The following MGST1 variants were observed in gnomAD, a reference collection of about 807,000 sequenced individuals.
MGST1 encodes microsomal glutathione S-transferase 1.
MGST1 carries 5 observed loss-of-function variants against 8.9 expected under a neutral mutation model. The observed-to-expected ratio is 0.56, with a 90% CI of 0.29 to 1.19. The LOEUF (loss-of-function observed/expected upper bound fraction) is 1.19. MGST1 is among the 50% of genes most tolerant of loss of function. The pLI is 0.08. For synonymous variants in MGST1, 54 were observed against 67.8 expected (o/e 0.80, Z 1.00); for missense variants, 182 against 187.4 (o/e 0.97, Z 0.17).
chr12:16,459,003 C>G (rs1941199762), intron 4 of MGST1, among the ~76,000 whole-genome samples: 2 of 151,992 alleles, frequency 1.3e-5, no homozygotes, highest in Admixed American at 1.3e-4. Flanking sequence ...TGTTAGCAAC[C>G]CTGGCCTACC....
chr12:16,514,546 A>T (rs1422296540), intron 4 of MGST1, among the ~76,000 whole-genome samples: 1 of 152,240 alleles, frequency 6.6e-6, no homozygotes, highest in Non-Finnish European at 1.5e-5. Context: ...AAGCCCGAAC[A>T]GGTGGAAAGG....
At chr12:16,373,242 A>G (rs1023819388) in intron 3 of MGST1, among the ~76,000 whole-genome samples, 2 of 151,652 alleles carry the variant, frequency 1.3e-5, no homozygotes, top group Non-Finnish European at 2.9e-5. Flanking sequence ...GTTACTAGAG[A>G]GGTTGGGAAG....
rs1565451086 is a variant in MGST1, at chr12:16,420,629, GCT to G, written n.779-16756_779-16755del. On this transcript the variant is annotated intron_variant and non_coding_transcript_variant, in intron 1 of 1. Coordinates refer to the MGST1 transcript ENST00000359720. ...AAAGGCTCCTCAGATTCTAAGGAGA[GCT>G]CTGGAACTGGGATGATCCTTCAGAG... 2.0e-5 allele frequency among the ~76,000 whole-genome samples: 3 copies of G among 152,240 alleles called. No individual in the cohort carries two copies. In the East Asian group the frequency reaches 5.8e-4, roughly 30 times the overall value.
At chr12:16,551,010 A>C (rs976100070) in intron 4 of MGST1, 1 of 482,010 alleles carries the variant, frequency 2.1e-6, no homozygotes, top group African/African-American at 1.9e-5. Context: ...CCATATGTAC[A>C]TTACTTTTTT....
At position 16,513,922 on chromosome 12, in the gene MGST1, T is replaced by G. The variant is rs1014792597; in HGVS notation, n.483-75606T>G. On this transcript the variant is annotated intron_variant and non_coding_transcript_variant, in intron 4 of 4. Coordinates refer to the MGST1 transcript ENST00000538857. This position sits in a 1 kb window ranked among gnomAD's most constrained non-coding sequence, Gnocchi z 4.2. ...TGGCATGCAGCTACAAGGTTATCGA[T>G]ACTATGACCGCAAGACTTGCGGTTT... 3.5e-6 allele frequency: 2 copies of G among 570,026 alleles called. No homozygotes were observed. Among genetic ancestry groups the G allele is most frequent in the Non-Finnish European group, 6.8e-6 (2 of 295,710 alleles). The allele number at this position is 570,026 out of a possible 1,614,324, so 35.3% of individuals were successfully genotyped here.
At chr12:16,357,581 T>TG in intron 2 of MGST1, 24 bp from the exon 3 acceptor site, 1 of 1,588,680 alleles carries the variant, frequency 6.3e-7, no homozygotes, top group Non-Finnish European at 8.6e-7. Context: ...TTGAAATAAG[T>TG]TTTTTTTCTT....
At position 16,560,005 on chromosome 12, in the gene MGST1, T is replaced by TA; in HGVS notation, n.483-29517dup. Among the ~76,000 whole-genome samples the TA allele has an allele frequency of 6.6e-6, 1 of 152,034 alleles. No homozygotes were observed. The highest frequency in any genetic ancestry group is 2.1e-4 in the South Asian group (1 of 4,804). On this transcript the variant is annotated intron_variant and non_coding_transcript_variant, in intron 4 of 4. Coordinates refer to the MGST1 transcript ENST00000538857. The surrounding 1 kb of genome is among the most constrained non-coding windows in gnomAD (Gnocchi z 5.0). ...CATGAGGGATAAGGAATTTAAAATA[T>TA]AAAAAATAATAAGAATATAAAATAC...
chr12:16,499,328 A>T (rs570344524), intron 4 of MGST1, among the ~76,000 whole-genome samples: 1 of 152,182 alleles, frequency 6.6e-6, no homozygotes, highest in Non-Finnish European at 1.5e-5. Flanking sequence ...TCTATAAAGA[A>T]TATTTAATTT....
At chr12:16,578,299 G>C (rs567836278) in intron 4 of MGST1, among the ~76,000 whole-genome samples, 1 of 152,220 alleles carries the variant, frequency 6.6e-6, no homozygotes, top group South Asian at 2.1e-4. Context: ...ACTCAAGTTT[G>C]AGAACAATTG....
At chr12:16,558,181 G>A (rs1942262038) in intron 4 of MGST1, among the ~76,000 whole-genome samples, 1 of 152,032 alleles carries the variant, frequency 6.6e-6, no homozygotes, top group Admixed American at 6.6e-5. Flanking sequence ...AAATGTGAGT[G>A]TAATATTTAT....
At chr12:16,484,842 C>T (rs1040283640) in intron 4 of MGST1, among the ~76,000 whole-genome samples, 1 of 152,116 alleles carries the variant, frequency 6.6e-6, no homozygotes, top group Non-Finnish European at 1.5e-5. Flanking sequence ...TATCACTTTC[C>T]AGTGATGTTG....
At chr12:16,524,560 GT>G (rs1328399369) in intron 4 of MGST1, among the ~76,000 whole-genome samples, 2 of 152,046 alleles carry the variant, frequency 1.3e-5, no homozygotes, top group Non-Finnish European at 1.5e-5. Context: ...TCCAAGTCCA[GT>G]CAGACAACAC....
intron 4 of MGST1, among the ~76,000 whole-genome samples, chr12:16,463,669 T>A (rs149172032): frequency 6.6e-6 from 1 of 151,960 alleles, no homozygotes; most frequent in Non-Finnish European, 1.5e-5. Flanking sequence ...AATATTTTGC[T>A]CTTAAAAATA....
intron 1 of MGST1, among the ~76,000 whole-genome samples, chr12:16,397,982 C>G (rs916636165): frequency 1.3e-5 from 2 of 151,610 alleles, no homozygotes; most frequent in African/African-American, 4.8e-5. Flanking sequence ...GCTGAGTCTT[C>G]TAATTCATGA....
chr12:16,472,107 G>C (rs902149560), intron 4 of MGST1, among the ~76,000 whole-genome samples: 2 of 151,996 alleles, frequency 1.3e-5, no homozygotes, highest in Non-Finnish European at 2.9e-5. Flanking sequence ...TGTCCTCCAT[G>C]ATCACATAAA....
chr12:16,439,338 G>A (rs1050238537), downstream of MGST1, among the ~76,000 whole-genome samples: 3 of 151,750 alleles, frequency 2.0e-5, no homozygotes, highest in Admixed American at 1.3e-4. Context: ...ATTCCAATGT[G>A]GTAAGAAGAT....
At chr12:16,353,144 C>G (rs1035409585) in intron 1 of MGST1, among the ~76,000 whole-genome samples, 4 of 152,096 alleles carry the variant, frequency 2.6e-5, no homozygotes, top group Non-Finnish European at 5.9e-5. Context: ...TGCTATTCTC[C>G]TGCTTCAGCC....
In MGST1 at chr12:16,492,581, A is replaced by G. The variant is rs185112957; in HGVS notation, n.483-96947A>G. Among the ~76,000 whole-genome samples, 200 of 152,288 alleles carry G rather than the reference A, an allele frequency of 1.3e-3. 1 individual carries two copies. Among genetic ancestry groups the G allele is most frequent in the African/African-American group, 4.6e-3 (191 of 41,560 alleles). On this transcript the variant is annotated intron_variant and non_coding_transcript_variant, in intron 4 of 4. Coordinates refer to the MGST1 transcript ENST00000538857. ...AGTCAAACTGCTGAACTGCAAGTCC[A>G]TGTTCATTTGCACTCACCAATTTTC...
rs1320574425 is a variant in MGST1, at chr12:16,486,305, C to A, written n.482+102701C>A. Among the ~76,000 whole-genome samples the A allele has an allele frequency of 2.6e-5, 4 of 152,166 alleles. No individual in the cohort carries two copies. The East Asian group carries it at 7.7e-4, about 29-fold the overall frequency. The stretch of plus-strand genomic sequence containing the variant: ...AGCTAAGGGAGTTTTAAACTTTTTG[C>A]CTGAAGCACCTAGAAGAATGCTCAG... On this transcript the variant is annotated intron_variant and non_coding_transcript_variant, in intron 4 of 4. Transcript: ENST00000538857.
Sources: gnomAD v4.1 joint callset for allele counts (sites outside exome capture counted in the v4.1 genomes callset) on GRCh38, gnomAD v4.1.1 for gene constraint, Gnocchi (gnomAD v3.1) non-coding constraint, MANE v1.5 for transcripts, NCBI Gene and HGNC (gene_info 2026-07-23, HGNC 2026-07-21) for gene names.